The following ADCY5 variants were observed in gnomAD, a reference collection of about 807,000 sequenced individuals.
ADCY5 encodes adenylate cyclase 5.
A neutral mutation model predicts 119.7 loss-of-function variants in ADCY5; 30 were observed. That is an observed-to-expected ratio of 0.25 (90% CI 0.19 to 0.34). The LOEUF is 0.34. Among genes scored for constraint, ADCY5 ranks in the 10% least tolerant of loss-of-function variants. The pLI is 1.00. For synonymous variants in ADCY5, 753 were observed against 762.2 expected (o/e 0.99, Z 0.20); for missense variants, 1,324 against 1,775.2 (o/e 0.75, Z 4.57).
intron 3 of ADCY5, among the ~76,000 whole-genome samples, chr3:123,345,757 G>C (rs112193917): frequency 1.7e-3 from 102 of 61,122 alleles, no homozygotes; most frequent in African/African-American, 5.3e-3. Flanking sequence ...CAGACAGACA[G>C]ACAGACAGAC....
intron 19 of ADCY5, chr3:123,287,011 G>A (rs893211515): frequency 1.6e-6 from 1 of 642,116 alleles, no homozygotes; most frequent in Non-Finnish European, 2.5e-6. Flanking sequence ...CAAGGAGCCT[G>A]CACCTGTGTC....
At chr3:123,416,086 C>T in intron 1 of ADCY5, 1 of 1,364,780 alleles carries the variant, frequency 7.3e-7, no homozygotes, top group South Asian at 1.3e-5. Flanking sequence ...GTACAGGCCC[C>T]AGGTGAGGTG....
chr3:123,353,286 T>G (rs1265418505), intron 1 of ADCY5, among the ~76,000 whole-genome samples: 1 of 152,184 alleles, frequency 6.6e-6, no homozygotes, highest in Non-Finnish European at 1.5e-5. Flanking sequence ...AAGTCAAAGC[T>G]GGAATTCTTT....
chr3:123,331,705 G>A (rs1361988596), intron 4 of ADCY5, among the ~76,000 whole-genome samples: 1 of 152,084 alleles, frequency 6.6e-6, no homozygotes, highest in African/African-American at 2.4e-5. Flanking sequence ...TCCAACTCTG[G>A]CTCCCAAAGA....
intron 5 of ADCY5, 40 bp downstream of exon 5, chr3:123,330,849 T>C: frequency 6.3e-7 from 1 of 1,584,952 alleles, no homozygotes. Flanking sequence ...CTGTGGACAG[T>C]CCCAGGGAGG....
At position 123,284,585 on chromosome 3, in the gene ADCY5, C is replaced by G. The variant is rs370899616; in HGVS notation, c.*23G>C. Reference sequence around the variant, plus strand: ...TCCATGCCTCTGGAGGCCAGGCTGCCTGGCACCATTGGCCAACAGCTGCTA... The same window carrying G: ...TCCATGCCTCTGGAGGCCAGGCTGCGTGGCACCATTGGCCAACAGCTGCTA... On this transcript the variant is annotated 3_prime_UTR_variant, in exon 21 of 21. Coordinates refer to ENST00000462833, the MANE Select transcript of ADCY5 (RefSeq NM_183357.3). 71 of 1,613,906 alleles carry G rather than the reference C, an allele frequency of 4.4e-5. No individual in the cohort carries two copies. The highest frequency in any genetic ancestry group is 6.0e-5 in the Non-Finnish European group (71 of 1,179,896).
chr3:123,379,412 T>A (rs1050646712), intron 1 of ADCY5, among the ~76,000 whole-genome samples: 1 of 152,086 alleles, frequency 6.6e-6, no homozygotes, highest in South Asian at 2.1e-4. Context: ...TTAGCTCCCC[T>A]CGAGGAATGT....
chr3:123,412,558 G>A (rs1945079770), intron 1 of ADCY5, among the ~76,000 whole-genome samples: 1 of 152,268 alleles, frequency 6.6e-6, no homozygotes, highest in Non-Finnish European at 1.5e-5. Flanking sequence ...GTGGCAGATA[G>A]AGCTCGGAAA....
intron 3 of ADCY5, among the ~76,000 whole-genome samples, chr3:123,345,576 T>C: frequency 1.3e-5 from 2 of 152,142 alleles, no homozygotes; most frequent in Non-Finnish European, 2.9e-5. Flanking sequence ...TTGGGACCAC[T>C]TGGTGGGCTA....
At chr3:123,370,833 C>T (rs897012015) in intron 1 of ADCY5, among the ~76,000 whole-genome samples, 1 of 152,144 alleles carries the variant, frequency 6.6e-6, no homozygotes, top group African/African-American at 2.4e-5. Flanking sequence ...GTTCCTCCCC[C>T]ACTTCCTCCT....
chr3:123,335,184 A>T (rs750859099), intron 3 of ADCY5, among the ~76,000 whole-genome samples: 2 of 152,022 alleles, frequency 1.3e-5, no homozygotes, highest in African/African-American at 2.4e-5. Flanking sequence ...CATTCTTCAA[A>T]CCAGCCAAGC....
At chr3:123,384,269 A>G (rs1944139523) in intron 1 of ADCY5, among the ~76,000 whole-genome samples, 1 of 152,248 alleles carries the variant, frequency 6.6e-6, no homozygotes, top group South Asian at 2.1e-4. Context: ...CCCTCTGACA[A>G]CAGAACAGGT....
intron 1 of ADCY5, among the ~76,000 whole-genome samples, chr3:123,380,165 T>C (rs1943982230): frequency 6.6e-6 from 1 of 152,146 alleles, no homozygotes; most frequent in Non-Finnish European, 1.5e-5. Context: ...CACAGTTTGG[T>C]CTCCTAGGAA....
At chr3:123,374,307 C>A (rs1328676134) in intron 1 of ADCY5, among the ~76,000 whole-genome samples, 1 of 152,088 alleles carries the variant, frequency 6.6e-6, no homozygotes, top group African/African-American at 2.4e-5. Flanking sequence ...AGTCAAATGG[C>A]CCAGATGGTG....
intron 1 of ADCY5, among the ~76,000 whole-genome samples, chr3:123,358,198 G>GTGTGTGTGTGT (rs1553735705): frequency 6.6e-6 from 1 of 150,882 alleles, no homozygotes; most frequent in Non-Finnish European, 1.5e-5. Context: ...GTGTGTGTAG[G>GTGTGTGTGTGT]GAGTTGGTGG....
intron 14 of ADCY5, 152 bp downstream of exon 14, chr3:123,302,903 G>T: frequency 2.3e-6 from 2 of 854,322 alleles, no homozygotes; most frequent in Admixed American, 2.7e-5. Flanking sequence ...ACACTGGCAT[G>T]TAGGAGTGAG....
At position 123,447,718 on chromosome 3, in the gene ADCY5, G is replaced by A. The variant is rs374267158; in HGVS notation, c.828C>T (p.Ala276=). Residue 276 remains alanine (A), a synonymous_variant, in exon 1 of 21, where the codon GCC becomes GCT. Coordinates refer to ENST00000462833, the MANE Select transcript of ADCY5 (RefSeq NM_183357.3). ...LQLPYLAVLA[A]AVGVILIMAV... is the part of the protein sequence containing the mutation. Reference sequence around the variant, plus strand: ...CCATGATGAGGATCACGCCGACGGCGGCCGCCAGCACGGCCAGGTAGGGCA... The same window carrying A: ...CCATGATGAGGATCACGCCGACGGCAGCCGCCAGCACGGCCAGGTAGGGCA... 1.3e-5 allele frequency: 20 copies of A among 1,599,588 alleles called. No homozygotes were observed. Among genetic ancestry groups the A allele is most frequent in the East Asian group, 4.5e-5 (2 of 44,588 alleles).
intron 9 of ADCY5, 76 bp from the exon 10 acceptor site, chr3:123,319,894 C>T (rs1941127939): frequency 6.4e-7 from 1 of 1,560,162 alleles, no homozygotes; most frequent in South Asian, 1.2e-5. Flanking sequence ...TTCCGACCAT[C>T]CCCCCAGACT....
At position 123,324,415 on chromosome 3, in the gene ADCY5, CACA is replaced by C. The variant is rs1169532613; in HGVS notation, c.2088+904_2088+906del. Among the ~76,000 whole-genome samples, 165 of 17,662 alleles carry C rather than the reference CACA, an allele frequency of 9.3e-3. 3 individuals carry two copies. The highest frequency in any genetic ancestry group is 0.082 in the African/African-American group (147 of 1,802). 11.6% of individuals were successfully genotyped at this position (17,662 alleles called of 152,430 possible). ...TGGCCACACAGAAACCACACACACA[CACA>C]CACACACACACACACACACACACAC... On this transcript the variant is annotated intron_variant, in intron 8 of 20. Coordinates refer to ENST00000462833, the MANE Select transcript of ADCY5 (RefSeq NM_183357.3).
Sources: allele counts gnomAD v4.1 joint callset (sites outside exome capture counted in the v4.1 genomes callset), GRCh38; gene constraint gnomAD v4.1.1; transcripts MANE v1.5; gene names NCBI Gene and HGNC (gene_info 2026-07-23, HGNC 2026-07-21).